The following CCDC93 variants were observed in gnomAD, a reference collection of about 807,000 sequenced individuals.
CCDC93 encodes the protein CCC complex scaffolding subunit CCDC93, also known as coiled-coil domain-containing protein 93.
CCDC93 carries 61 observed loss-of-function variants against 108.2 expected under a neutral mutation model. The ratio of observed to expected loss-of-function variants is 0.56; its 90% CI spans 0.46 to 0.70. CCDC93 has a LOEUF of 0.70. Among genes scored for constraint, CCDC93 ranks in the 30% least tolerant of loss-of-function variants. The pLI is 0.00. For synonymous variants in CCDC93, 276 were observed against 260.4 expected (o/e 1.06, Z -0.58); for missense variants, 685 against 764.2 (o/e 0.90, Z 1.22).
In CCDC93 at chr2:117,917,965, A is replaced by T. The variant is rs1192161725; in HGVS notation, c.*2378T>A. The T allele has an allele frequency of 6.6e-6, 1 of 152,202 alleles. No individual in the cohort carries two copies. Among genetic ancestry groups the T allele is most frequent in the Admixed American group, 6.5e-5 (1 of 15,270 alleles). The allele number at this position is 152,202 out of a possible 1,614,324, so 9.4% of individuals were successfully genotyped here. ...TTCCTCCTGAAGCGCATATTTTGAA[A>T]AAGTAACTTAAGGATGTTCTTGCTT... is the stretch of plus-strand genomic sequence containing the variant. On this transcript the variant is annotated 3_prime_UTR_variant, in exon 24 of 24. Transcript: ENST00000376300.
intron 23 of CCDC93, among the ~76,000 whole-genome samples, chr2:117,922,674 A>T (rs1677910775): frequency 6.6e-6 from 1 of 152,208 alleles, no homozygotes; most frequent in African/African-American, 2.4e-5. Flanking sequence ...TGCACACTAC[A>T]AGTGCTTGGG....
intron 7 of CCDC93, among the ~76,000 whole-genome samples, chr2:117,983,820 C>T (rs1032822824): frequency 1.3e-5 from 2 of 152,064 alleles, no homozygotes; most frequent in African/African-American, 4.8e-5. Flanking sequence ...TGGGGCTGTA[C>T]ATTTTATCTG....
intron 16 of CCDC93, among the ~76,000 whole-genome samples, chr2:117,946,061 C>T (rs965688836): frequency 1.3e-5 from 2 of 152,142 alleles, no homozygotes; most frequent in Non-Finnish European, 2.9e-5. Context: ...TTGTATGGCT[C>T]GGGTGAAATA....
rs545764465 is a variant in CCDC93 at position 117,977,011 on chromosome 2, C to G, written c.657+983G>C. Reference sequence around the variant, plus strand: ...AGTGCAGTGGCGCGATCTTGGCTCACTGCAAGCTCCGCCTCCCGGGTTCAC... The same window carrying G: ...AGTGCAGTGGCGCGATCTTGGCTCAGTGCAAGCTCCGCCTCCCGGGTTCAC... On this transcript the variant is annotated intron_variant, in intron 8 of 23. Coordinates refer to ENST00000376300, the MANE Select transcript of CCDC93 (RefSeq NM_019044.5). Among the ~76,000 whole-genome samples, 291 of 150,544 alleles carry G rather than the reference C, an allele frequency of 1.9e-3. 4 individuals carry two copies. Among genetic ancestry groups the G allele is most frequent in the Middle Eastern group, 0.017 (5 of 286 alleles).
At chr2:117,921,533 A>C (rs1025718029) in intron 23 of CCDC93, 2 of 152,202 alleles carry the variant, frequency 1.3e-5, no homozygotes, top group African/African-American at 4.8e-5. Context: ...GGAGAGGTAG[A>C]GCTCACAGGC....
In CCDC93 at chr2:117,974,840, T is replaced by G; in HGVS notation, c.801+10A>C. ...GTCCCCATCCCCACACCTCCCCGAC[T>G]CCCACTCACCTCCTCATTTGCCATA... On this transcript the variant is annotated intron_variant, in intron 10 of 23. Coordinates refer to ENST00000376300, the MANE Select transcript of CCDC93 (RefSeq NM_019044.5). 6.4e-7 allele frequency: 1 copy of G among 1,567,844 alleles called. No homozygotes were observed. Among genetic ancestry groups the G allele is most frequent in the Non-Finnish European group, 8.7e-7 (1 of 1,155,108 alleles).
intron 6 of CCDC93, among the ~76,000 whole-genome samples, chr2:117,986,598 C>A (rs778864550): frequency 3.3e-5 from 5 of 152,168 alleles, no homozygotes; most frequent in African/African-American, 1.2e-4. Flanking sequence ...CCAGGTTTTA[C>A]CAGATACTGG....
chr2:117,970,135 A>G (rs189494551), intron 11 of CCDC93, among the ~76,000 whole-genome samples: 23 of 152,326 alleles, frequency 1.5e-4, no homozygotes, highest in African/African-American at 5.5e-4. Context: ...CAAAAACACC[A>G]TGCATGACTT....
intron 6 of CCDC93, among the ~76,000 whole-genome samples, chr2:117,988,205 C>T (rs144272942): frequency 6.6e-6 from 1 of 151,832 alleles, no homozygotes; most frequent in Non-Finnish European, 1.5e-5. Flanking sequence ...ATTAAGGTGA[C>T]CCTTTTGTAA....
chr2:117,946,159 T>C (rs572742136), intron 16 of CCDC93, among the ~76,000 whole-genome samples: 2 of 152,218 alleles, frequency 1.3e-5, no homozygotes, highest in East Asian at 3.9e-4. Context: ...CCATGGGCAC[T>C]GTCCAGTGCA....
intron 14 of CCDC93, among the ~76,000 whole-genome samples, chr2:117,948,744 T>C (rs1013937909): frequency 5.3e-5 from 8 of 152,234 alleles, no homozygotes; most frequent in East Asian, 1.9e-4. Flanking sequence ...TTTGATTTCA[T>C]AGTCTCATTC....
intron 9 of CCDC93, 54 bp downstream of exon 9, chr2:117,975,134 T>C: frequency 6.7e-7 from 1 of 1,484,860 alleles, no homozygotes; most frequent in Non-Finnish European, 9.4e-7. Flanking sequence ...AGAGTACGAT[T>C]TCTCCCAAAA....
In CCDC93 at chr2:117,992,369, G is replaced by C. The variant is rs1222805690; in HGVS notation, c.519+3077C>G. Among the ~76,000 whole-genome samples, 6 of 152,128 alleles carry C rather than the reference G, an allele frequency of 3.9e-5. No homozygotes were observed. In the East Asian group the frequency reaches 1.2e-3, roughly 29 times the overall value. ...GGTGATCCTCCCACCTTAGCCTCCTGAGGAGCTGAGACTACAGGTACATGC... is the reference window on the plus strand; with the variant it reads ...GGTGATCCTCCCACCTTAGCCTCCTCAGGAGCTGAGACTACAGGTACATGC... On this transcript the variant is annotated intron_variant, in intron 6 of 23. Coordinates refer to ENST00000376300, the MANE Select transcript of CCDC93 (RefSeq NM_019044.5).
At chr2:118,008,700 G>C in intron 1 of CCDC93, 42 bp from the exon 2 acceptor site, 1 of 1,298,070 alleles carries the variant, frequency 7.7e-7, no homozygotes. Context: ...AAGATATGCT[G>C]AATAAAGGAA....
intron 11 of CCDC93, among the ~76,000 whole-genome samples, chr2:117,961,883 T>C (rs760780017): frequency 6.6e-6 from 1 of 152,228 alleles, no homozygotes; most frequent in Non-Finnish European, 1.5e-5. Context: ...CATCTACAAA[T>C]ATTCCATTTG....
rs765217420 is a variant in CCDC93, at chr2:117,944,035, G to A, written c.1402C>T (p.Arg468Cys). The part of the protein sequence containing the change: ...NMEKEKLYKI[R>C]LLQARRNREI... ...CTTCTTTTACTCACCTGTAGTAAAC[G>A]TATCTTGTAAAGTTTCTCTTTCTCC... Residue 468 changes from arginine (R) to cysteine (C), a missense_variant, in exon 18 of 24, where the codon CGT becomes TGT. Transcript: ENST00000376300. 7 of 1,603,778 alleles carry A rather than the reference G, an allele frequency of 4.4e-6. No individual in the cohort carries two copies. The highest frequency in any genetic ancestry group is 1.7e-4 in the Middle Eastern group (1 of 6,032).
At chr2:117,926,283 G>A (rs1363077659) in intron 23 of CCDC93, among the ~76,000 whole-genome samples, 3 of 152,026 alleles carry the variant, frequency 2.0e-5, no homozygotes, top group African/African-American at 7.3e-5. Context: ...CAGAACTGAA[G>A]GAAATAGAGA....
chr2:118,008,267 C>T (rs1219950854), intron 2 of CCDC93, among the ~76,000 whole-genome samples: 2 of 152,224 alleles, frequency 1.3e-5, no homozygotes, highest in African/African-American at 2.4e-5. Context: ...ATAATCCCCA[C>T]CCAAACTGTA....
At chr2:117,978,234 A>G (rs1173430907) in intron 7 of CCDC93, among the ~76,000 whole-genome samples, 1 of 152,214 alleles carries the variant, frequency 6.6e-6, no homozygotes, top group Non-Finnish European at 1.5e-5. Context: ...CTTGCTATGC[A>G]AATACTATAA....
Sources: gnomAD v4.1 joint callset for allele counts (sites outside exome capture counted in the v4.1 genomes callset) on GRCh38, gnomAD v4.1.1 for gene constraint, MANE v1.5 for transcripts, NCBI Gene and HGNC (gene_info 2026-07-23, HGNC 2026-07-21) for gene names.